The following RGS13 variants were observed in gnomAD, a reference collection of about 807,000 sequenced individuals.
RGS13 encodes regulator of G-protein signalling 13.
Under a neutral mutation model 19.9 loss-of-function variants are expected in RGS13, and 14 were observed. That is an observed-to-expected ratio of 0.70 (90% CI 0.46 to 1.10). RGS13 has a LOEUF of 1.10. RGS13 is among the 50% of genes least tolerant of loss of function. The pLI, the probability that RGS13 is intolerant of heterozygous loss-of-function variation, is 0.00. For synonymous variants in RGS13, 60 were observed against 56.8 expected, an observed-to-expected ratio of 1.06 and a Z score of -0.25; for missense variants, 205 against 187.1, an observed-to-expected ratio of 1.10 and a Z score of -0.56.
At chr1:192,640,249 A>C (rs555829573) in intron 3 of RGS13, among the ~76,000 whole-genome samples, 9 of 152,290 alleles carry the variant, frequency 5.9e-5, no homozygotes, top group African/African-American at 2.2e-4. Flanking sequence ...GAGATGAGGA[A>C]TCTTGAAACT....
intron 3 of RGS13, 119 bp downstream of exon 3, chr1:192,638,322 G>GTA (rs2102027184): frequency 6.6e-6 from 1 of 151,894 alleles, no homozygotes; most frequent in East Asian, 1.9e-4. Flanking sequence ...AGTTTAAGCC[G>GTA]TACATGTTCC....
At chr1:192,646,139 C>T (rs1413844245) in intron 4 of RGS13, 1 of 152,170 alleles carries the variant, frequency 6.6e-6, no homozygotes, top group South Asian at 2.1e-4. Flanking sequence ...TAACACAGTA[C>T]ACTGTTAAGC....
intron 3 of RGS13, among the ~76,000 whole-genome samples, chr1:192,641,997 T>A (rs1211939572): frequency 1.3e-5 from 2 of 152,076 alleles, no homozygotes; most frequent in Non-Finnish European, 2.9e-5. Flanking sequence ...TCACCTGAAC[T>A]CCTGCAGTCA....
At chr1:192,642,518 G>A (rs1294825986) in intron 3 of RGS13, among the ~76,000 whole-genome samples, 1 of 151,298 alleles carries the variant, frequency 6.6e-6, no homozygotes, top group Non-Finnish European at 1.5e-5. Flanking sequence ...GGAGAGACAG[G>A]GTCTCTCTAT....
intron 3 of RGS13, among the ~76,000 whole-genome samples, chr1:192,641,729 A>G (rs1406757266): frequency 2.0e-5 from 3 of 152,090 alleles, no homozygotes; most frequent in Non-Finnish European, 2.9e-5. Context: ...AGAAACTCAT[A>G]TTGGGCTGTC....
chr1:192,645,334 T>C (rs1282867967), intron 4 of RGS13: 2 of 152,162 alleles, frequency 1.3e-5, no homozygotes, highest in Non-Finnish European at 1.5e-5. Context: ...CCAGAAAAAT[T>C]AAAAATCACA....
chr1:192,644,306 A>G (rs748622906), intron 3 of RGS13, 25 bp from the exon 4 acceptor site: 1 of 1,486,426 alleles, frequency 6.7e-7, no homozygotes. Context: ...ATTAAATTAT[A>G]CAAATATATA....
intron 3 of RGS13, among the ~76,000 whole-genome samples, chr1:192,642,488 AT>A (rs920282930): frequency 1.3e-5 from 2 of 149,644 alleles, no homozygotes; most frequent in Non-Finnish European, 3.0e-5. Flanking sequence ...TGCCCAGCTA[AT>A]TTTTTTTTTC....
At chr1:192,647,323 A>C (rs960135424) in intron 4 of RGS13, 2 of 152,166 alleles carry the variant, frequency 1.3e-5, no homozygotes, top group African/African-American at 4.8e-5. Context: ...TGGCCATGGC[A>C]AGCCTTAAAC....
At chr1:192,642,209 G>A (rs745600709) in intron 3 of RGS13, among the ~76,000 whole-genome samples, 7 of 151,894 alleles carry the variant, frequency 4.6e-5, no homozygotes, top group Non-Finnish European at 1.0e-4. Flanking sequence ...CCACTTTCTT[G>A]CTGCAGTGAA....
At chr1:192,658,411 G>T in intron 6 of RGS13, 44 bp downstream of exon 6, 2 of 1,556,512 alleles carry the variant, frequency 1.3e-6, no homozygotes, top group Non-Finnish European at 1.8e-6. Context: ...GTTCATCCCT[G>T]CAAGGGCATT....
At chr1:192,641,395 C>A (rs1039003941) in intron 3 of RGS13, among the ~76,000 whole-genome samples, 1 of 151,270 alleles carries the variant, frequency 6.6e-6, no homozygotes, top group African/African-American at 2.4e-5. Flanking sequence ...AAGAGGAAAG[C>A]AGGGAGGAAG....
rs563971939 is a variant in RGS13, at chr1:192,638,215, T to C, written c.-5+12T>C. 6.6e-6 allele frequency: 1 copy of C among 152,138 alleles called. No individual in the cohort carries two copies. Among genetic ancestry groups the C allele is most frequent in the Non-Finnish European group, 1.5e-5 (1 of 68,012 alleles). 9.4% of individuals were successfully genotyped at this position (152,138 alleles called of 1,614,324 possible). A position where few individuals can be genotyped will look rare whatever the true frequency, so the allele number is the denominator to read the frequency against. ...TTCTCATTTTAGAGGTATGAGAATT[T>C]TAATTTCTACTTCTGAGCATCTGCC... On this transcript the variant is annotated intron_variant, in intron 3 of 6. Coordinates refer to ENST00000391995, the MANE Select transcript of RGS13 (RefSeq NM_002927.5).
chr1:192,652,883 G>T (rs900747516), intron 5 of RGS13, among the ~76,000 whole-genome samples: 7 of 152,006 alleles, frequency 4.6e-5, no homozygotes, highest in African/African-American at 7.2e-5. Context: ...TCAGGTGAAT[G>T]GGAGGATAAT....
At chr1:192,640,237 C>A (rs1663082678) in intron 3 of RGS13, among the ~76,000 whole-genome samples, 1 of 152,078 alleles carries the variant, frequency 6.6e-6, no homozygotes, top group African/African-American at 2.4e-5. Context: ...TAGGTGATCA[C>A]AGAGATGAGG....
intron 3 of RGS13, among the ~76,000 whole-genome samples, chr1:192,641,233 AAAG>A (rs767462209): frequency 0.083 from 6,565 of 78,950 alleles, 275 homozygotes; most frequent in East Asian, 0.16. Flanking sequence ...AGAAAGAAAG[AAAG>A]AAAGAAAGAA....
intron 3 of RGS13, among the ~76,000 whole-genome samples, chr1:192,638,599 C>T (rs767028960): frequency 5.9e-5 from 9 of 152,082 alleles, no homozygotes; most frequent in Admixed American, 2.0e-4. Flanking sequence ...AGAATACAGG[C>T]GGGAAGGCAC....
At chr1:192,652,689 C>G (rs1408615659) in intron 5 of RGS13, among the ~76,000 whole-genome samples, 1 of 151,908 alleles carries the variant, frequency 6.6e-6, no homozygotes, top group African/African-American at 2.4e-5. Context: ...CCTAGATGTT[C>G]AATAACTAAG....
rs533598480 is a variant in RGS13, at chr1:192,652,966, T to C, written c.127+4979T>C. ...GGGAAATGTTGAGGGGGATAAATAA[T>C]AGATTTTTGCTTTAAAGATTTTTCT... On this transcript the variant is annotated intron_variant, in intron 5 of 6. Coordinates refer to ENST00000391995, the MANE Select transcript of RGS13 (RefSeq NM_002927.5). Among the ~76,000 whole-genome samples the C allele has an allele frequency of 3.3e-5, 5 of 152,134 alleles. No homozygotes were observed. In the South Asian group the frequency reaches 1.0e-3, roughly 32 times the overall value.
Sources: allele counts gnomAD v4.1 joint callset (sites outside exome capture counted in the v4.1 genomes callset), GRCh38; gene constraint gnomAD v4.1.1; transcripts MANE v1.5; gene names NCBI Gene and HGNC (gene_info 2026-07-23, HGNC 2026-07-21).